Variants in RIN2 observed in about 807,000 individuals in gnomAD.
The protein encoded by RIN2 is RAB5 interacting protein 2.
In RIN2, 36 loss-of-function variants were observed where a neutral mutation model predicts 78.0. The observed-to-expected ratio is 0.46, with a 90% CI of 0.35 to 0.61. The LOEUF (loss-of-function observed/expected upper bound fraction) is 0.61, where lower values mean the gene tolerates loss of function less well. Ranked by LOEUF, RIN2 falls within the 20% of genes least tolerant of loss-of-function variation. The pLI is 0.00. For missense variants in RIN2, 1,087 were observed against 1,159.7 expected, an observed-to-expected ratio of 0.94 and a Z score of 0.91; for synonymous variants, 466 against 466.8, an observed-to-expected ratio of 1.00 and a Z score of 0.02.
chr20:19,938,029 A>G (rs922919351), intron 4 of RIN2, among the ~76,000 whole-genome samples: 1 of 152,174 alleles, frequency 6.6e-6, no homozygotes, highest in African/African-American at 2.4e-5. Context: ...GCCATGGTCC[A>G]TCTGCCCTCC....
At chr20:19,768,304 G>C (rs2033976170) in intron 1 of RIN2, among the ~76,000 whole-genome samples, 1 of 152,238 alleles carries the variant, frequency 6.6e-6, no homozygotes, top group Non-Finnish European at 1.5e-5. Flanking sequence ...AGTGGGGAAA[G>C]GGGGCCAGAG....
intron 1 of RIN2, among the ~76,000 whole-genome samples, chr20:19,771,421 T>G (rs1254276112): frequency 1.3e-5 from 2 of 152,228 alleles, no homozygotes; most frequent in Non-Finnish European, 2.9e-5. Context: ...CTTTGCGTAT[T>G]CCTCATTTCT....
At chr20:19,879,537 C>T (rs939694165) in intron 2 of RIN2, among the ~76,000 whole-genome samples, 7 of 152,206 alleles carry the variant, frequency 4.6e-5, no homozygotes, top group African/African-American at 1.7e-4. Context: ...ATCTGTTCTC[C>T]GGCCCACTTC....
chr20:19,945,360 C>G (rs77171077), intron 4 of RIN2, among the ~76,000 whole-genome samples: 1 of 152,060 alleles, frequency 6.6e-6, no homozygotes, highest in Non-Finnish European at 1.5e-5. Flanking sequence ...GCTTTGATTC[C>G]GGATAAATTG....
intron 2 of RIN2, among the ~76,000 whole-genome samples, chr20:19,832,626 C>A (rs2123011194): frequency 6.6e-6 from 1 of 151,886 alleles, no homozygotes; most frequent in East Asian, 2.0e-4. Flanking sequence ...CCTCAGTGCC[C>A]CAGACTGGGT....
chr20:19,773,154 C>T (rs2034194285), intron 1 of RIN2, among the ~76,000 whole-genome samples: 1 of 152,220 alleles, frequency 6.6e-6, no homozygotes, highest in African/African-American at 2.4e-5. Context: ...TGCATCCCTC[C>T]AGTCCTCCAT....
Position 20,000,777 on chromosome 20 carries a change from A to T in RIN2, c.2529A>T (p.Thr843=), listed in dbSNP as rs375395451. 8.9e-4 allele frequency: 1,433 copies of T among 1,614,024 alleles called. No homozygotes were observed. The highest frequency in any genetic ancestry group is 1.1e-3 in the Non-Finnish European group (1,278 of 1,179,898). Reference sequence around the variant, plus strand: ...GCCTCTTTCTCTTCGTTGACGAGACATGGCAGCAGCTGGCAGAGGACACTT... The same window carrying T: ...GCCTCTTTCTCTTCGTTGACGAGACTTGGCAGCAGCTGGCAGAGGACACTT... ...EYSLFLFVDE[T]WQQLAEDTYP... is the part of the protein sequence containing the mutation. Residue 843 remains threonine (T), a synonymous_variant, in exon 13 of 13, where the codon ACA becomes ACT. Transcript: ENST00000255006.
rs537180154 is a variant in RIN2 at position 19,914,453 on chromosome 20, C to T, written c.58-20646C>T. Among the ~76,000 whole-genome samples the T allele has an allele frequency of 1.2e-4, 19 of 152,306 alleles. No individual in the cohort carries two copies. In the South Asian group the frequency reaches 3.1e-3, roughly 25 times the overall value. On this transcript the variant is annotated intron_variant, in intron 3 of 12. Transcript: ENST00000255006. ...ATGTACTTTCCCACCATCAGAAGGACATTGCATCAAAAAAATTTGCATTAA... is the reference window on the plus strand; with the variant it reads ...ATGTACTTTCCCACCATCAGAAGGATATTGCATCAAAAAAATTTGCATTAA...
chr20:19,953,189 A>G (rs67987438), intron 4 of RIN2, among the ~76,000 whole-genome samples: 8,644 of 152,218 alleles, frequency 0.057, 505 homozygotes, highest in East Asian at 0.29. Context: ...CCCAGGCTAC[A>G]GTACAGTGGA....
intron 4 of RIN2, among the ~76,000 whole-genome samples, chr20:19,936,955 G>A (rs1334343851): frequency 6.6e-6 from 1 of 152,198 alleles, no homozygotes; most frequent in Non-Finnish European, 1.5e-5. Flanking sequence ...TGGCAACACT[G>A]TTCATATTAA....
intron 2 of RIN2, among the ~76,000 whole-genome samples, chr20:19,840,928 C>T (rs1600585937): frequency 6.6e-6 from 1 of 152,170 alleles, no homozygotes; most frequent in South Asian, 2.1e-4. Context: ...CATGTAAGAA[C>T]GTTTCCATCA....
intron 5 of RIN2, among the ~76,000 whole-genome samples, chr20:19,957,681 A>C (rs541305903): frequency 2.8e-3 from 419 of 148,176 alleles, no homozygotes; most frequent in East Asian, 0.018. Flanking sequence ...TGTCCCCCCC[A>C]AAAAAAAAAA....
rs188326956 is a variant in RIN2, at chr20:19,898,690, C to T, written c.57+9032C>T. ...AGAAATCTGCAGGCTGGTATATAAC[C>T]TCACTGTGTCTGATCTCTTCATTAA... On this transcript the variant is annotated intron_variant, in intron 3 of 12. Transcript: ENST00000255006. Among the ~76,000 whole-genome samples, 4 of 152,294 alleles carry T rather than the reference C, an allele frequency of 2.6e-5. No homozygotes were observed. The East Asian group carries it at 7.7e-4, about 29-fold the overall frequency.
At chr20:19,786,907 C>G (rs1055081165) in intron 1 of RIN2, among the ~76,000 whole-genome samples, 1 of 152,124 alleles carries the variant, frequency 6.6e-6, no homozygotes, top group African/African-American at 2.4e-5. Context: ...TGTTTTTGTA[C>G]TTGCAAAGCT....
At chr20:19,909,081 C>T (rs540359617) in intron 3 of RIN2, among the ~76,000 whole-genome samples, 1 of 152,290 alleles carries the variant, frequency 6.6e-6, no homozygotes, top group East Asian at 1.9e-4. Context: ...CCAGGCTGGT[C>T]TCAAACTCCT....
chr20:19,759,112 G>A (rs1386883956), intron 1 of RIN2, among the ~76,000 whole-genome samples: 2 of 152,140 alleles, frequency 1.3e-5, no homozygotes, highest in East Asian at 1.9e-4. Context: ...CGGCGGTGGC[G>A]CGCCCCTCGA....
At position 19,880,878 on chromosome 20, in the gene RIN2, A is replaced by G. The variant is rs762638147; in HGVS notation, c.-36-8688A>G. The stretch of plus-strand genomic sequence containing the variant: ...TTTTCTTCTTCTCTCTTCAACCTCC[A>G]TAGAAATGGAACCCACTAAGTCTAA... On this transcript the variant is annotated intron_variant, in intron 2 of 12. Transcript: ENST00000255006. Among the ~76,000 whole-genome samples the G allele has an allele frequency of 4.4e-4, 67 of 152,320 alleles. 1 individual carries two copies. Among genetic ancestry groups the G allele is most frequent in the South Asian group, 4.4e-3 (21 of 4,826 alleles).
chr20:19,990,127 G>A lies in RIN2; in HGVS notation c.1884G>A (p.Leu628=). 6.2e-7 allele frequency: 1 copy of A among 1,601,984 alleles called. No homozygotes were observed. The highest frequency in any genetic ancestry group is 1.7e-4 in the Middle Eastern group (1 of 6,056). The part of the protein sequence containing the change: ...DGSWKQLKEN[L]QLVRQRNPQE... ...CATGGAAGCAACTCAAGGAGAACCT[G>A]CAGCTTGTGCGGCAGAGGAATCCGC... The change falls in exon 10 of 13, where the codon CTG becomes CTA. Residue 628 remains leucine (L), a synonymous_variant. Coordinates refer to ENST00000255006, the MANE Select transcript of RIN2 (RefSeq NM_018993.4).
At chr20:19,873,925 C>G (rs1409503328) in intron 2 of RIN2, among the ~76,000 whole-genome samples, 7 of 152,200 alleles carry the variant, frequency 4.6e-5, no homozygotes, top group Non-Finnish European at 8.8e-5. Flanking sequence ...TGCACATACA[C>G]AGAGGAGCAA....
Sources: gnomAD v4.1 joint callset for allele counts (sites outside exome capture counted in the v4.1 genomes callset) on GRCh38, gnomAD v4.1.1 for gene constraint, MANE v1.5 for transcripts, NCBI Gene and HGNC (gene_info 2026-07-23, HGNC 2026-07-21) for gene names.